Variants in EFTUD2 observed in about 807,000 individuals in gnomAD.
EFTUD2 encodes the protein elongation factor Tu GTP binding domain containing 2.
EFTUD2 carries 9 observed loss-of-function variants against 114.3 expected under a neutral mutation model. The observed-to-expected ratio is 0.08, with a 90% CI of 0.05 to 0.14. EFTUD2 has a LOEUF of 0.14. EFTUD2 is among the 10% of genes least tolerant of loss of function. EFTUD2 has a pLI of 1.00. For synonymous variants in EFTUD2, 449 were observed against 462.3 expected (o/e 0.97, Z 0.37); for missense variants, 765 against 1,241.2 (o/e 0.62, Z 5.76).
intron 9 of EFTUD2, among the ~76,000 whole-genome samples, chr17:44,877,830 CAACAACAACA>C (rs1393831847): frequency 6.7e-6 from 1 of 148,304 alleles, no homozygotes; most frequent in Non-Finnish European, 1.5e-5. Flanking sequence ...ACAACAACAA[CAACAACAACA>C]AACAACAATG....
chr17:44,860,288 G>A, intron 17 of EFTUD2, 144 bp downstream of exon 17: 1 of 749,506 alleles, frequency 1.3e-6, no homozygotes, highest in Non-Finnish European at 2.3e-6. Context: ...TGAGTACAGG[G>A]AGAATCCAGC....
At position 44,898,229 on chromosome 17, in the gene EFTUD2, T is replaced by TA. The variant is rs553663701; in HGVS notation, c.-5+1139_-5+1140insT. Among the ~76,000 whole-genome samples, 781 of 152,292 alleles carry TA rather than the reference T, an allele frequency of 5.1e-3. 2 individuals carry two copies. Among genetic ancestry groups the TA allele is most frequent in the Middle Eastern group, 0.017 (5 of 294 alleles). On this transcript the variant is annotated intron_variant, in intron 1 of 27. Transcript: ENST00000426333. The stretch of plus-strand genomic sequence containing the variant: ...AAATTATTTATTTATTTTATATATA[T>TA]TTTTTGAGACAGAGTTTTGCTCTTG...
intron 16 of EFTUD2, among the ~76,000 whole-genome samples, chr17:44,860,787 C>A (rs1042852656): frequency 6.6e-6 from 1 of 151,738 alleles, no homozygotes; most frequent in Admixed American, 6.6e-5. Flanking sequence ...TTTGTAGAGA[C>A]GGGGTTTTTT....
chr17:44,887,706 G>T (rs2051199476), intron 2 of EFTUD2, among the ~76,000 whole-genome samples: 1 of 152,136 alleles, frequency 6.6e-6, no homozygotes, highest in South Asian at 2.1e-4. Flanking sequence ...TGGGTAAGGG[G>T]TGTGGAGTTT....
At chr17:44,864,815 T>C in intron 14 of EFTUD2, 115 bp downstream of exon 14, 2 of 1,463,330 alleles carry the variant, frequency 1.4e-6, no homozygotes, top group Non-Finnish European at 1.9e-6. Context: ...ATCTGTGGTT[T>C]GTTGAAAAGA....
chr17:44,880,736 G>T, intron 7 of EFTUD2, 92 bp from the exon 8 acceptor site: 1 of 912,220 alleles, frequency 1.1e-6, no homozygotes, highest in Non-Finnish European at 1.8e-6. Flanking sequence ...AAATTACACT[G>T]ATGCCTCTCC....
intron 1 of EFTUD2, chr17:44,895,785 C>T (rs2051373386): frequency 6.6e-6 from 1 of 152,222 alleles, no homozygotes; most frequent in African/African-American, 2.4e-5. Flanking sequence ...TTACAGATCC[C>T]ATTCAAGTTT....
chr17:44,888,603 G>GT (rs1457383295), intron 2 of EFTUD2, among the ~76,000 whole-genome samples: 1 of 152,218 alleles, frequency 6.6e-6, no homozygotes, highest in Non-Finnish European at 1.5e-5. Flanking sequence ...TGGGAAGGTG[G>GT]TGAGAAGAGG....
At position 44,851,083 on chromosome 17, in the gene EFTUD2, A is replaced by T. The variant is rs189955483; in HGVS notation, c.*191T>A. Reference sequence around the variant, plus strand: ...AATGGAGCCCGGCAGAGGCCACAGAAGGAAGCAGGAGGCCAAATGCTCCTC... The same window carrying T: ...AATGGAGCCCGGCAGAGGCCACAGATGGAAGCAGGAGGCCAAATGCTCCTC... On this transcript the variant is annotated 3_prime_UTR_variant, in exon 28 of 28. Transcript: ENST00000426333. 3.6e-6 allele frequency: 2 copies of T among 559,914 alleles called. No individual in the cohort carries two copies. Among genetic ancestry groups the T allele is most frequent in the Admixed American group, 5.8e-5 (2 of 34,496 alleles). The allele number at this position is 559,914 out of a possible 1,614,324, so 34.7% of individuals were successfully genotyped here.
At chr17:44,857,034 C>G (rs965660832) in intron 20 of EFTUD2, 41 bp downstream of exon 20, 1 of 1,537,480 alleles carries the variant, frequency 6.5e-7, no homozygotes, top group East Asian at 2.3e-5. Context: ...AGAGAGTGTC[C>G]AGGAGGCTGC....
intron 18 of EFTUD2, 150 bp downstream of exon 18, chr17:44,859,755 G>T: frequency 7.8e-7 from 1 of 1,290,082 alleles, no homozygotes; most frequent in Non-Finnish European, 1.1e-6. Context: ...GTCCTGCCTT[G>T]ACATGACAGC....
intron 2 of EFTUD2, among the ~76,000 whole-genome samples, chr17:44,888,725 C>T (rs1363101745): frequency 1.3e-5 from 2 of 152,172 alleles, no homozygotes; most frequent in Non-Finnish European, 2.9e-5. Context: ...CACCGGAAAA[C>T]AGCCTTGCCT....
intron 13 of EFTUD2, among the ~76,000 whole-genome samples, chr17:44,865,733 A>AAGGTCTGT (rs1276450333): frequency 6.6e-6 from 1 of 152,170 alleles, no homozygotes; most frequent in Admixed American, 6.5e-5. Context: ...CCTTGGGAGA[A>AAGGTCTGT]AGGTCTGTAT....
chr17:44,857,197 T>G (rs1422088598), intron 19 of EFTUD2, 40 bp from the exon 20 acceptor site: 1 of 1,590,418 alleles, frequency 6.3e-7, no homozygotes. Flanking sequence ...GAGGTCTAAT[T>G]TTGTTGGAAG....
At chr17:44,886,226 TTC>T (rs2051169955) in intron 3 of EFTUD2, among the ~76,000 whole-genome samples, 1 of 152,052 alleles carries the variant, frequency 6.6e-6, no homozygotes, top group Non-Finnish European at 1.5e-5. Flanking sequence ...AGAGCAAGAC[TTC>T]GTCTCAAAAA....
intron 13 of EFTUD2, among the ~76,000 whole-genome samples, chr17:44,867,246 A>G (rs1169139813): frequency 6.6e-6 from 1 of 152,030 alleles, no homozygotes; most frequent in Non-Finnish European, 1.5e-5. Flanking sequence ...ATCTGTTCAT[A>G]AACCTGCTCT....
At chr17:44,865,150 T>A in intron 13 of EFTUD2, 85 bp from the exon 14 acceptor site, 1 of 1,542,312 alleles carries the variant, frequency 6.5e-7, no homozygotes, top group Non-Finnish European at 8.8e-7. Flanking sequence ...CAAAGAAATA[T>A]CTGAAGAACT....
chr17:44,887,979 A>T (rs1383900761), intron 2 of EFTUD2, among the ~76,000 whole-genome samples: 1 of 152,196 alleles, frequency 6.6e-6, no homozygotes, highest in Non-Finnish European at 1.5e-5. Context: ...TGTGCTAAGC[A>T]CTGTTCCAGG....
Position 44,853,394 on chromosome 17 carries a change from C to T in EFTUD2, c.2467-4G>A, listed in dbSNP as rs201620556. ...GCTCCATCAGACGAGGAGTAGCCTG[C>T]AGCAGAGCAAGAAGAAAGGCCCCTC... On this transcript the variant is annotated splice_polypyrimidine_tract_variant and splice_region_variant and intron_variant, in intron 24 of 27. Coordinates refer to ENST00000426333, the MANE Select transcript of EFTUD2 (RefSeq NM_004247.4). 1 of 1,614,142 alleles carries T rather than the reference C, an allele frequency of 6.2e-7. No homozygotes were observed. The highest frequency in any genetic ancestry group is 2.2e-5 in the East Asian group (1 of 44,868).
Sources: allele counts gnomAD v4.1 joint callset (sites outside exome capture counted in the v4.1 genomes callset), GRCh38; gene constraint gnomAD v4.1.1; transcripts MANE v1.5; gene names NCBI Gene and HGNC (gene_info 2026-07-23, HGNC 2026-07-21).